The following EML1 variants were observed in gnomAD, a reference collection of about 807,000 sequenced individuals.
EML1 encodes the protein EMAP like 1.
A neutral mutation model predicts 110.4 loss-of-function variants in EML1; 27 were observed. The ratio of observed to expected loss-of-function variants is 0.24; its 90% CI spans 0.18 to 0.34. EML1 has a LOEUF of 0.34. Among genes scored for constraint, EML1 ranks in the 10% least tolerant of loss-of-function variants. The pLI, the probability that EML1 is intolerant of heterozygous loss-of-function variation, is 1.00. For synonymous variants in EML1, 344 were observed against 385.8 expected, an observed-to-expected ratio of 0.89 and a Z score of 1.27; for missense variants, 741 against 1,030.9, an observed-to-expected ratio of 0.72 and a Z score of 3.85.
chr14:99,845,722 T>G (rs922963706), intron 1 of EML1, among the ~76,000 whole-genome samples: 2 of 152,200 alleles, frequency 1.3e-5, no homozygotes, highest in Non-Finnish European at 2.9e-5. Context: ...GAAAATTATT[T>G]CTATGTGTGA....
At chr14:99,815,435 C>A (rs117420099) in intron 1 of EML1, among the ~76,000 whole-genome samples, 1,642 of 152,054 alleles carry the variant, frequency 0.011, 8 homozygotes, top group Non-Finnish European at 0.016. Context: ...GCCACTGCGC[C>A]CTGCTGAGGC....
At chr14:99,848,325 A>G (rs541504055) in intron 1 of EML1, among the ~76,000 whole-genome samples, 1 of 152,290 alleles carries the variant, frequency 6.6e-6, no homozygotes, top group African/African-American at 2.4e-5. Context: ...TATAATTAAT[A>G]ACATGTATGT....
Position 99,924,031 on chromosome 14 carries a change from G to A in EML1, c.1909+3154G>A, listed in dbSNP as rs149733330. ...TGTTTAATTTACAGATCAATATGGG[G>A]GAAATTGCCACCTGGACAATAGTGG... On this transcript the variant is annotated intron_variant, in intron 17 of 21. Coordinates refer to ENST00000262233, the MANE Select transcript of EML1 (RefSeq NM_004434.3). 8.1e-3 allele frequency among the ~76,000 whole-genome samples: 1,229 copies of A among 152,272 alleles called. 8 individuals carry two copies. Among genetic ancestry groups the A allele is most frequent in the Non-Finnish European group, 0.014 (980 of 68,026 alleles).
chr14:99,838,934 C>CGT (rs1456949314), intron 1 of EML1: 2 of 45,862 alleles, frequency 4.4e-5, no homozygotes, highest in Admixed American at 2.0e-4. Context: ...TGTGTGTGCG[C>CGT]GCGCGCGTGC....
chr14:99,771,904 A>G (rs1271472961), upstream of EML1, among the ~76,000 whole-genome samples: 1 of 152,230 alleles, frequency 6.6e-6, no homozygotes, highest in Non-Finnish European at 1.5e-5. Flanking sequence ...TTTCTTGCCT[A>G]TGTCATACCT....
At chr14:99,766,592 AC>A (rs1290614759) in intron 1 of EML1, among the ~76,000 whole-genome samples, 1 of 152,146 alleles carries the variant, frequency 6.6e-6, no homozygotes, top group Non-Finnish European at 1.5e-5. Flanking sequence ...GCTGAGGAAG[AC>A]TATTGTATTC....
chr14:99,902,882 A>T (rs2059784738), intron 9 of EML1, among the ~76,000 whole-genome samples: 1 of 152,230 alleles, frequency 6.6e-6, no homozygotes, highest in Admixed American at 6.5e-5. Context: ...GTACAAGGCC[A>T]GTTTCCCCCA....
chr14:99,916,712 C>G (rs1233918588), intron 15 of EML1, among the ~76,000 whole-genome samples: 1 of 152,196 alleles, frequency 6.6e-6, no homozygotes, highest in East Asian at 1.9e-4. Context: ...CTCAAATATG[C>G]CCACAGCTGT....
intron 1 of EML1, chr14:99,838,911 G>GCA (rs1555394670): frequency 1.1e-4 from 13 of 114,452 alleles, no homozygotes; most frequent in African/African-American, 5.0e-4. Context: ...GGGAGTGCGC[G>GCA]CGCGCGCGTG....
chr14:99,909,181 A>G (rs1023324394), intron 10 of EML1, 164 bp from the exon 11 acceptor site: 13 of 1,080,190 alleles, frequency 1.2e-5, no homozygotes, highest in Admixed American at 5.3e-5. Flanking sequence ...ACACCAGCAT[A>G]TGCTTGATGT....
At chr14:99,810,733 G>A (rs2058060354) in intron 1 of EML1, among the ~76,000 whole-genome samples, 1 of 152,136 alleles carries the variant, frequency 6.6e-6, no homozygotes, top group Non-Finnish European at 1.5e-5. Context: ...AATAATCTAT[G>A]TGACTGCTTT....
intron 1 of EML1, among the ~76,000 whole-genome samples, chr14:99,738,536 C>T (rs11849045): frequency 2.3e-4 from 35 of 152,286 alleles, no homozygotes; most frequent in South Asian, 2.3e-3. Context: ...GGGCTGGGGA[C>T]GGCCAAATCC....
chr14:99,869,795 G>T (rs1245928453), intron 3 of EML1, among the ~76,000 whole-genome samples: 1 of 152,114 alleles, frequency 6.6e-6, no homozygotes, highest in East Asian at 1.9e-4. Context: ...TTCACTCAAG[G>T]TCTGGTTGTT....
chr14:99,905,040 CAGAG>C lies in EML1; in HGVS notation c.1009-2584_1009-2581del, dbSNP rs139741908. ...TTTTACCATTCATTCAGCCAGTTTG[CAGAG>C]AGAGAGAGAGAGAAAGGCCAGAAGT... On this transcript the variant is annotated intron_variant, in intron 9 of 21. Coordinates refer to ENST00000262233, the MANE Select transcript of EML1 (RefSeq NM_004434.3). The surrounding 1 kb of genome is among the most constrained non-coding windows in gnomAD (Gnocchi z 4.1). 2.0e-5 allele frequency among the ~76,000 whole-genome samples: 3 copies of C among 149,868 alleles called. No individual in the cohort carries two copies. The highest frequency in any genetic ancestry group is 3.0e-5 in the Non-Finnish European group (2 of 67,268).
intron 20 of EML1, 39 bp downstream of exon 20, chr14:99,937,951 G>C (rs1330773778): frequency 1.0e-5 from 16 of 1,579,826 alleles, no homozygotes; most frequent in Non-Finnish European, 1.4e-5. Flanking sequence ...CAACAAAAGA[G>C]TGTCTCCTTT....
rs749583577 is a variant in EML1, at chr14:99,840,889, A to T, written c.68-9964A>T. Reference sequence around the variant, plus strand: ...TTCTGTTTTTTACAGTAAGAGAAAAAGTAATTAAACTTCAAAGTCAGATCT... The same window carrying T: ...TTCTGTTTTTTACAGTAAGAGAAAATGTAATTAAACTTCAAAGTCAGATCT... On this transcript the variant is annotated intron_variant, in intron 1 of 21. Transcript: ENST00000262233. 9.9e-5 allele frequency among the ~76,000 whole-genome samples: 15 copies of T among 152,226 alleles called. 1 individual carries two copies. The highest frequency in any genetic ancestry group is 2.1e-4 in the Non-Finnish European group (14 of 68,034).
At chr14:99,872,662 T>A (rs1172507357) in intron 3 of EML1, among the ~76,000 whole-genome samples, 1 of 152,192 alleles carries the variant, frequency 6.6e-6, no homozygotes, top group Non-Finnish European at 1.5e-5. Flanking sequence ...AAGCTAGAAA[T>A]AAGAACAGTA....
chr14:99,894,503 A>G lies in EML1; in HGVS notation c.548-126A>G, dbSNP rs116824516. The G allele has an allele frequency of 1.8e-3, 2,018 of 1,139,730 alleles. 27 individuals are homozygous for G. The African/African-American group carries it at 0.027, about 15-fold the overall frequency. The allele number at this position is 1,139,730 out of a possible 1,614,324, so 70.6% of individuals were successfully genotyped here. ...TTTATGTTACTTTTTTCCCTAGGAT[A>G]TCAATTAGAATGACAGAAGGGTAAA... On this transcript the variant is annotated intron_variant, in intron 5 of 21. Transcript: ENST00000262233.
intron 2 of EML1, among the ~76,000 whole-genome samples, chr14:99,853,762 C>T (rs1000279042): frequency 3.3e-5 from 5 of 152,210 alleles, no homozygotes; most frequent in East Asian, 3.9e-4. Flanking sequence ...CTCCGCCTCC[C>T]GGGTTCAAGC....
Sources: allele counts gnomAD v4.1 joint callset (sites outside exome capture counted in the v4.1 genomes callset), GRCh38; gene constraint gnomAD v4.1.1; non-coding constraint Gnocchi (gnomAD v3.1); transcripts MANE v1.5; gene names NCBI Gene and HGNC (gene_info 2026-07-23, HGNC 2026-07-21).